HIVEP1: variants seen among roughly 807,000 people sequenced by gnomAD.
The protein encoded by HIVEP1 is HIVEP zinc finger 1.
Under a neutral mutation model 180.0 loss-of-function variants are expected in HIVEP1, and 36 were observed. The ratio of observed to expected loss-of-function variants is 0.20; its 90% CI spans 0.15 to 0.26. HIVEP1 has a LOEUF of 0.26. Ranked by LOEUF, HIVEP1 falls within the 10% of genes least tolerant of loss-of-function variation. The pLI, the probability that HIVEP1 is intolerant of heterozygous loss-of-function variation, is 1.00. For missense variants in HIVEP1, 3,143 were observed against 3,268.7 expected, an observed-to-expected ratio of 0.96 and a Z score of 0.94; for synonymous variants, 1,239 against 1,239.0, an observed-to-expected ratio of 1.00 and a Z score of 0.00.
rs57183025 is a variant in HIVEP1, at chr6:12,066,422, T to C, written c.41-22762T>C. ...CATGATTTGTCTAACTTAGTCTCTT[T>C]GTTGCAGTTAGCTTCTTAGGCAAAT... On this transcript the variant is annotated intron_variant, in intron 2 of 8. Transcript: ENST00000379388. Among the ~76,000 whole-genome samples the C allele has an allele frequency of 6.6e-3, 999 of 152,352 alleles. 15 individuals are homozygous for C. The highest frequency in any genetic ancestry group is 0.021 in the African/African-American group (853 of 41,582).
chr6:12,097,676 CAT>C (rs1773858583), intron 3 of HIVEP1, among the ~76,000 whole-genome samples: 2 of 152,032 alleles, frequency 1.3e-5, no homozygotes, highest in Admixed American at 1.3e-4. Flanking sequence ...TTAAAGGTAT[CAT>C]GTGTTAACCA....
upstream of HIVEP1, among the ~76,000 whole-genome samples, chr6:12,011,020 G>A (rs138145443): frequency 6.6e-6 from 1 of 152,000 alleles, no homozygotes; most frequent in Non-Finnish European, 1.5e-5. Flanking sequence ...TCGCAGCTTC[G>A]GCACTGGGAA....
intron 2 of HIVEP1, among the ~76,000 whole-genome samples, chr6:12,051,151 C>A (rs192075842): frequency 3.3e-5 from 5 of 151,596 alleles, no homozygotes; most frequent in Admixed American, 1.3e-4. Flanking sequence ...GAATTACTTA[C>A]TTGCTTTGAT....
chr6:12,024,999 A>G (rs765979386), intron 2 of HIVEP1, among the ~76,000 whole-genome samples: 28 of 152,358 alleles, frequency 1.8e-4, no homozygotes, highest in Middle Eastern at 3.4e-3. Context: ...ACAGGTCTCT[A>G]CTAGGCTCTG....
rs74607666 is a variant in HIVEP1 at position 12,133,662 on chromosome 6, A to G, written c.6386-2129A>G. On this transcript the variant is annotated intron_variant, in intron 6 of 8. Coordinates refer to ENST00000379388, the MANE Select transcript of HIVEP1 (RefSeq NM_002114.4). ...TTTCTTAAAAAGTAAATAACCTGCAATGGCTGTCTATCTAGGGAGCAAAAA... is the reference window on the plus strand; with the variant it reads ...TTTCTTAAAAAGTAAATAACCTGCAGTGGCTGTCTATCTAGGGAGCAAAAA... Among the ~76,000 whole-genome samples, 1,256 of 152,312 alleles carry G rather than the reference A, an allele frequency of 8.2e-3. 23 individuals carry two copies. The highest frequency in any genetic ancestry group is 0.029 in the African/African-American group (1,185 of 41,574).
chr6:12,145,066 C>T (rs1405622949), intron 7 of HIVEP1, among the ~76,000 whole-genome samples: 4 of 152,212 alleles, frequency 2.6e-5, no homozygotes, highest in African/African-American at 9.7e-5. Context: ...AAGACACATG[C>T]ACACGTATGT....
chr6:12,150,064 G>T (rs937596921), intron 7 of HIVEP1, among the ~76,000 whole-genome samples: 1 of 152,160 alleles, frequency 6.6e-6, no homozygotes, highest in Non-Finnish European at 1.5e-5. Context: ...TGGACATTCG[G>T]CATTTAAAAG....
Position 12,121,477 on chromosome 6 carries a change from C to T in HIVEP1, c.1682C>T (p.Pro561Leu), listed in dbSNP as rs748721786. The part of the protein sequence containing the change: ...SAESQAVTEL[P>L]KVVVHHVTVS... ...GAATCACAAGCTGTGACAGAGTTAC[C>T]GAAAGTTGTGGTCCACCATGTCACT... is the stretch of plus-strand genomic sequence containing the variant. The change falls in exon 4 of 9, where the codon CCG (proline) becomes CTG (leucine). Residue 561 changes from proline (P) to leucine (L), a missense_variant. Physicochemically the swap from Pro to Leu is moderately conservative, Grantham distance 98. Coordinates refer to ENST00000379388, the MANE Select transcript of HIVEP1 (RefSeq NM_002114.4). The surrounding 1 kb of genome is among the most constrained non-coding windows in gnomAD (Gnocchi z 5.3). The T allele has an allele frequency of 9.3e-6, 15 of 1,613,952 alleles. No individual in the cohort carries two copies. Among genetic ancestry groups the T allele is most frequent in the African/African-American group, 4.0e-5 (3 of 74,872 alleles).
At chr6:12,168,217 T>TACATATAG, downstream of HIVEP1, among the ~76,000 whole-genome samples, 1 of 100,558 alleles carries the variant, frequency 9.9e-6, no homozygotes, top group African/African-American at 3.8e-5. Flanking sequence ...TATACATATA[T>TACATATAG]ACATATATTA....
the HIVEP1 span, among the ~76,000 whole-genome samples, chr6:12,171,585 G>C: frequency 6.6e-6 from 1 of 152,176 alleles, no homozygotes; most frequent in African/African-American, 2.4e-5. Context: ...GACACACCTA[G>C]GGAGAGTCAC....
chr6:12,017,713 A>G (rs1168925605), intron 2 of HIVEP1, among the ~76,000 whole-genome samples: 2 of 152,234 alleles, frequency 1.3e-5, no homozygotes, highest in South Asian at 2.1e-4. Flanking sequence ...AAAGTTCTCC[A>G]GGTCCCCACT....
intron 7 of HIVEP1, among the ~76,000 whole-genome samples, chr6:12,156,452 G>A (rs950561880): frequency 5.3e-5 from 8 of 151,984 alleles, no homozygotes; most frequent in Non-Finnish European, 1.0e-4. Context: ...TTCTGCATAT[G>A]GCTAGCCAGT....
chr6:12,158,696 T>A (rs1384442621), intron 7 of HIVEP1, among the ~76,000 whole-genome samples: 5 of 152,120 alleles, frequency 3.3e-5, no homozygotes, highest in Non-Finnish European at 5.9e-5. Context: ...ATCCTGTCCC[T>A]CCCCAAGGAG....
chr6:12,089,405 A>G (rs527458624), intron 3 of HIVEP1, among the ~76,000 whole-genome samples, 168 bp downstream of exon 3: 1 of 152,268 alleles, frequency 6.6e-6, no homozygotes, highest in East Asian at 1.9e-4. Context: ...TTCATGAAAC[A>G]TTTTAGCCAC....
At chr6:12,008,245 G>GTT (rs2113528351), upstream of HIVEP1, 3 of 152,320 alleles carry the variant, frequency 2.0e-5, no homozygotes, top group South Asian at 6.2e-4. Context: ...TATAGAATTT[G>GTT]TTGCCTTTAG....
chr6:12,008,126 T>C (rs1012582079), upstream of HIVEP1: 1 of 152,202 alleles, frequency 6.6e-6, no homozygotes, highest in Non-Finnish European at 1.5e-5. Flanking sequence ...CAGTGTCTGC[T>C]AGTGTCCAGA....
At chr6:12,202,430 C>T in the HIVEP1 span, among the ~76,000 whole-genome samples, 25 of 152,148 alleles carry the variant, frequency 1.6e-4, no homozygotes, top group African/African-American at 5.3e-4. Context: ...GGAGCCACTG[C>T]GCCAGACCCA....
downstream of HIVEP1, among the ~76,000 whole-genome samples, chr6:12,169,163 A>G (rs1760834412): frequency 2.6e-5 from 4 of 152,234 alleles, no homozygotes; most frequent in African/African-American, 9.6e-5. Flanking sequence ...CTGAGATTAC[A>G]GGCATGAGCC....
chr6:12,178,923 G>A, the HIVEP1 span, among the ~76,000 whole-genome samples: 3 of 152,160 alleles, frequency 2.0e-5, no homozygotes, highest in Admixed American at 6.5e-5. Flanking sequence ...AAAAGAAAGC[G>A]TTAGATAGAT....
Sources: allele counts gnomAD v4.1 joint callset (sites outside exome capture counted in the v4.1 genomes callset), GRCh38; gene constraint gnomAD v4.1.1; non-coding constraint Gnocchi (gnomAD v3.1); transcripts MANE v1.5; gene names NCBI Gene and HGNC (gene_info 2026-07-23, HGNC 2026-07-21).